The following KPNA6 variants were observed in gnomAD, a reference collection of about 807,000 sequenced individuals.
The protein encoded by KPNA6 is karyopherin subunit alpha 6, also known as importin subunit alpha-7.
In KPNA6, 9 loss-of-function variants were observed where a neutral mutation model predicts 72.0. The ratio of observed to expected loss-of-function variants is 0.13; its 90% CI spans 0.08 to 0.22. KPNA6 has a LOEUF of 0.22. Among genes scored for constraint, KPNA6 ranks in the 10% least tolerant of loss-of-function variants. The pLI is 1.00. For missense variants in KPNA6, 374 were observed against 655.7 expected (o/e 0.57, Z 4.69); for synonymous variants, 219 against 242.1 (o/e 0.90, Z 0.89).
chr1:32,156,709 A>T (rs552501931), intron 2 of KPNA6, 144 bp from the exon 3 acceptor site: 1 of 574,876 alleles, frequency 1.7e-6, no homozygotes, highest in East Asian at 2.9e-5. Flanking sequence ...AAACTGAATA[A>T]GGGGAGACTA....
chr1:32,118,124 ATGT>A lies in KPNA6; in HGVS notation c.4+9993_4+9995del, dbSNP rs1298896396. ...TTTTTAGTAGAGACGGGGTTTCACC[ATGT>A]TGGTCAGGCTGGTCTCGAACTCCCA... On this transcript the variant is annotated intron_variant, in intron 1 of 13. Coordinates refer to ENST00000373625, the MANE Select transcript of KPNA6 (RefSeq NM_012316.5). Among the ~76,000 whole-genome samples, 7 of 152,020 alleles carry A rather than the reference ATGT, an allele frequency of 4.6e-5. No homozygotes were observed. In the South Asian group the frequency reaches 6.2e-4, roughly 13 times the overall value.
chr1:32,137,380 C>A (rs919204094), intron 1 of KPNA6, among the ~76,000 whole-genome samples: 1 of 152,010 alleles, frequency 6.6e-6, no homozygotes, highest in African/African-American at 2.4e-5. Context: ...GCTAGGTTAC[C>A]CAGGCTGGTC....
At chr1:32,119,024 ATATATATATTTTT>A (rs1328127473) in intron 1 of KPNA6, among the ~76,000 whole-genome samples, 2 of 74,344 alleles carry the variant, frequency 2.7e-5, no homozygotes, top group African/African-American at 1.6e-4. Context: ...ATATATATAT[ATATATATATTTTT>A]TTTTTTTTTT....
intron 5 of KPNA6, 124 bp from the exon 6 acceptor site, chr1:32,159,276 T>G: frequency 1.1e-6 from 1 of 951,734 alleles, no homozygotes; most frequent in Non-Finnish European, 1.6e-6. Flanking sequence ...TTGCTTGTGT[T>G]TTGTGAGGTT....
intron 12 of KPNA6, among the ~76,000 whole-genome samples, chr1:32,168,403 T>A (rs562125250): frequency 6.6e-6 from 1 of 152,334 alleles, no homozygotes; most frequent in Admixed American, 6.5e-5. Context: ...GTTAGCAGGC[T>A]GGTCTTGAAC....
At chr1:32,144,434 A>T (rs1641896227) in intron 1 of KPNA6, among the ~76,000 whole-genome samples, 2 of 152,226 alleles carry the variant, frequency 1.3e-5, no homozygotes, top group African/African-American at 4.8e-5. Flanking sequence ...CTGCAAAGCA[A>T]AACTGAATAA....
At chr1:32,162,727 TGG>T (rs1161701459) in intron 9 of KPNA6, among the ~76,000 whole-genome samples, 1 of 151,100 alleles carries the variant, frequency 6.6e-6, no homozygotes, top group Non-Finnish European at 1.5e-5. Flanking sequence ...CCCAGCTACT[TGG>T]GAGGCTGAGG....
intron 12 of KPNA6, among the ~76,000 whole-genome samples, chr1:32,169,595 C>T (rs1164926178): frequency 1.3e-5 from 2 of 150,426 alleles, no homozygotes; most frequent in Admixed American, 6.6e-5. Flanking sequence ...TACAGGTGCC[C>T]GCCACCACAC....
chr1:32,170,699 T>C lies in KPNA6; in HGVS notation c.1424-8T>C. ...ACACTTCCCTCTCCTTCCTTCTTACTACTGTAGGCTTGGATAAAATTGAGT... is the reference window on the plus strand; with the variant it reads ...ACACTTCCCTCTCCTTCCTTCTTACCACTGTAGGCTTGGATAAAATTGAGT... On this transcript the variant is annotated splice_polypyrimidine_tract_variant and splice_region_variant and intron_variant, in intron 13 of 13. Transcript: ENST00000373625. The C allele has an allele frequency of 1.2e-6, 2 of 1,612,322 alleles. No homozygotes were observed. The highest frequency in any genetic ancestry group is 1.7e-6 in the Non-Finnish European group (2 of 1,178,464).
At chr1:32,137,968 C>T (rs1004172856) in intron 1 of KPNA6, among the ~76,000 whole-genome samples, 6 of 151,918 alleles carry the variant, frequency 3.9e-5, no homozygotes, top group Non-Finnish European at 8.8e-5. Flanking sequence ...AACCCCATCT[C>T]TACTAAAAAT....
In KPNA6 at chr1:32,150,289, C is replaced by T. The variant is rs541070154; in HGVS notation, c.5-4299C>T. ...CTGGGATTACAGGCACCAGCTACCA[C>T]GCCTGGCTAATTTTTATATTTTTAG... On this transcript the variant is annotated intron_variant, in intron 1 of 13. Coordinates refer to ENST00000373625, the MANE Select transcript of KPNA6 (RefSeq NM_012316.5). Among the ~76,000 whole-genome samples, 7 of 150,940 alleles carry T rather than the reference C, an allele frequency of 4.6e-5. No homozygotes were observed. The East Asian group carries it at 9.8e-4, about 21-fold the overall frequency.
chr1:32,109,993 C>T (rs1641217380), intron 1 of KPNA6, among the ~76,000 whole-genome samples: 1 of 151,300 alleles, frequency 6.6e-6, no homozygotes, highest in Admixed American at 6.6e-5. Context: ...TGAAGGAGTC[C>T]AGAGTGAATT....
intron 7 of KPNA6, 31 bp downstream of exon 7, chr1:32,160,734 G>T (rs562328248): frequency 1.3e-6 from 2 of 1,551,000 alleles, no homozygotes; most frequent in Admixed American, 3.3e-5. Flanking sequence ...GTACCTGGGC[G>T]TCTACTGGGT....
At chr1:32,127,187 A>G (rs1311999493) in intron 1 of KPNA6, among the ~76,000 whole-genome samples, 2 of 152,222 alleles carry the variant, frequency 1.3e-5, no homozygotes, top group African/African-American at 4.8e-5. Flanking sequence ...GATAGTGGGT[A>G]CTTTGCCCAC....
At chr1:32,110,494 G>A (rs532261395) in intron 1 of KPNA6, among the ~76,000 whole-genome samples, 1 of 152,262 alleles carries the variant, frequency 6.6e-6, no homozygotes, top group African/African-American at 2.4e-5. Flanking sequence ...CAACACATAT[G>A]GAAAGCATCT....
intron 1 of KPNA6, among the ~76,000 whole-genome samples, chr1:32,144,938 G>A (rs975598667): frequency 5.3e-5 from 8 of 150,406 alleles, no homozygotes; most frequent in Non-Finnish European, 1.2e-4. Context: ...AAGCCACCGC[G>A]CCTGGCCTAA....
chr1:32,161,388 C>T (rs190039701), intron 7 of KPNA6, among the ~76,000 whole-genome samples: 13 of 152,246 alleles, frequency 8.5e-5, no homozygotes, highest in Middle Eastern at 3.4e-3. Context: ...ATCAAAGACC[C>T]CGTGAAGCGT....
Position 32,172,815 on chromosome 1 carries a change from T to A in KPNA6, c.*1921T>A. The A allele has an allele frequency of 3.4e-6, 1 of 298,486 alleles. No individual in the cohort carries two copies. The highest frequency in any genetic ancestry group is 2.2e-5 in the African/African-American group (1 of 46,034). The allele number at this position is 298,486 out of a possible 1,614,324, so 18.5% of individuals were successfully genotyped here. ...TGCTCCAAGCTCTGCTTTTCCTTCC[T>A]CTGAAACAATGCCATTCTTGCTTCT... On this transcript the variant is annotated 3_prime_UTR_variant, in exon 14 of 14. Coordinates refer to ENST00000373625, the MANE Select transcript of KPNA6 (RefSeq NM_012316.5).
At chr1:32,136,591 GTTGC>G (rs1641739604) in intron 1 of KPNA6, among the ~76,000 whole-genome samples, 1 of 152,158 alleles carries the variant, frequency 6.6e-6, no homozygotes, top group Admixed American at 6.6e-5. Flanking sequence ...AATGAAATGG[GTTGC>G]TTTTGTAATA....
Sources: allele counts gnomAD v4.1 joint callset (sites outside exome capture counted in the v4.1 genomes callset), GRCh38; gene constraint gnomAD v4.1.1; transcripts MANE v1.5; gene names NCBI Gene and HGNC (gene_info 2026-07-23, HGNC 2026-07-21).